Variants in RBFOX1 observed in about 807,000 individuals in gnomAD.
RBFOX1 encodes RNA binding fox-1 homolog 1.
Under a neutral mutation model 57.7 loss-of-function variants are expected in RBFOX1, and 8 were observed. The ratio of observed to expected loss-of-function variants is 0.14; its 90% CI spans 0.08 to 0.25. The LOEUF is 0.25. RBFOX1 is among the 10% of genes least tolerant of loss of function. The probability of loss-of-function intolerance (pLI) is 1.00; values close to 1 mark genes in which losing one functional copy is unlikely to be tolerated. For missense variants in RBFOX1, 611 were observed against 548.5 expected, an observed-to-expected ratio of 1.11 and a Z score of -1.14; for synonymous variants, 326 against 222.4, an observed-to-expected ratio of 1.47 and a Z score of -4.15.
chr16:6,900,650 C>T (rs1270961740), intron 3 of RBFOX1, among the ~76,000 whole-genome samples: 3 of 152,208 alleles, frequency 2.0e-5, no homozygotes, highest in South Asian at 2.1e-4. Flanking sequence ...TTCTACCCTT[C>T]TTGACCTCGT....
chr16:6,242,452 C>T (rs1232620684), intron 1 of RBFOX1, among the ~76,000 whole-genome samples: 1 of 151,752 alleles, frequency 6.6e-6, no homozygotes, highest in African/African-American at 2.4e-5. Flanking sequence ...TGGTCTCAAA[C>T]TCCTGGCCAT....
chr16:6,133,772 A>G (rs771195906), intron 1 of RBFOX1, among the ~76,000 whole-genome samples: 3 of 152,002 alleles, frequency 2.0e-5, no homozygotes, highest in Non-Finnish European at 4.4e-5. Flanking sequence ...ACCCTGGTCT[A>G]TCCTGCCACA....
intron 2 of RBFOX1, among the ~76,000 whole-genome samples, chr16:6,624,509 T>G (rs1227286205): frequency 6.6e-6 from 1 of 152,140 alleles, no homozygotes; most frequent in Admixed American, 6.5e-5. Context: ...CATACCAGTT[T>G]CCACCCACCT....
At chr16:7,171,592 A>G (rs1481813674) in intron 4 of RBFOX1, among the ~76,000 whole-genome samples, 1 of 152,130 alleles carries the variant, frequency 6.6e-6, no homozygotes, top group Non-Finnish European at 1.5e-5. Flanking sequence ...TTCTCTCTTT[A>G]TGTTCTGAAC....
intron 4 of RBFOX1, among the ~76,000 whole-genome samples, chr16:7,323,058 T>C (rs1417413300): frequency 6.6e-6 from 1 of 152,138 alleles, no homozygotes; most frequent in Non-Finnish European, 1.5e-5. Context: ...CTCTAAGGAC[T>C]GTTGGGATGG....
chr16:7,187,690 C>CAGAAAAAAAAAAAAAAAAAAAA (rs2084254667), intron 4 of RBFOX1, among the ~76,000 whole-genome samples: 1 of 72,566 alleles, frequency 1.4e-5, no homozygotes, highest in Admixed American at 2.3e-4. Context: ...CTCTGTCTCA[C>CAGAAAAAAAAAAAAAAAAAAAA]AAAAAAAAAA....
intron 2 of RBFOX1, among the ~76,000 whole-genome samples, chr16:6,550,337 C>T (rs555804587): frequency 6.6e-5 from 10 of 152,128 alleles, no homozygotes; most frequent in South Asian, 2.1e-4. Context: ...CCACCAGGCC[C>T]AGCTAATTTT....
intron 2 of RBFOX1, among the ~76,000 whole-genome samples, chr16:5,571,215 CTTTTTTTTTT>C (rs34409151): frequency 8.8e-5 from 7 of 79,832 alleles, no homozygotes; most frequent in African/African-American, 2.0e-4. Flanking sequence ...CCATCTTTGA[CTTTTTTTTTT>C]TTTTTTTTTT....
chr16:7,695,804 A>G lies in RBFOX1; in HGVS notation c.996-13252A>G, dbSNP rs180797192. Among the ~76,000 whole-genome samples the G allele has an allele frequency of 2.7e-3, 411 of 152,264 alleles. 1 individual carries two copies. The highest frequency in any genetic ancestry group is 4.5e-3 in the Non-Finnish European group (306 of 68,024). On this transcript the variant is annotated intron_variant, in intron 14 of 15. Transcript: ENST00000550418. ...TGGATATCAGAGTTTGACAAAAGACAAGTTCTCTATTTTTAAATGGAGAAA... is the reference window on the plus strand; with the variant it reads ...TGGATATCAGAGTTTGACAAAAGACGAGTTCTCTATTTTTAAATGGAGAAA...
chr16:5,620,741 G>T (rs922022936), intron 3 of RBFOX1, among the ~76,000 whole-genome samples: 2 of 152,158 alleles, frequency 1.3e-5, no homozygotes, highest in Non-Finnish European at 2.9e-5. Flanking sequence ...AGCAGTGGCA[G>T]GATCATGGCT....
intron 4 of RBFOX1, among the ~76,000 whole-genome samples, chr16:7,062,626 T>C (rs1598454713): frequency 1.3e-5 from 2 of 152,266 alleles, no homozygotes; most frequent in East Asian, 3.9e-4. Flanking sequence ...AGCCAACAGA[T>C]GTGGATATGG....
intron 2 of RBFOX1, among the ~76,000 whole-genome samples, chr16:6,614,960 G>C (rs959871354): frequency 6.6e-6 from 1 of 152,136 alleles, no homozygotes; most frequent in African/African-American, 2.4e-5. Context: ...TAAAAATATA[G>C]ATGACTGCAT....
chr16:6,532,848 G>T lies in RBFOX1; in HGVS notation c.-63-121755G>T, dbSNP rs117217513. 5.3e-3 allele frequency among the ~76,000 whole-genome samples: 811 copies of T among 152,302 alleles called. 2 individuals carry two copies. The highest frequency in any genetic ancestry group is 6.8e-3 in the Middle Eastern group (2 of 292). On this transcript the variant is annotated intron_variant, in intron 2 of 15. Coordinates refer to ENST00000550418, the MANE Select transcript of RBFOX1 (RefSeq NM_018723.4). ...GGAATGTGAGAAGGCAAAGATCTCA[G>T]ACTTTCCATGTGAATTGAAGACCCT...
intron 1 of RBFOX1, among the ~76,000 whole-genome samples, chr16:6,190,447 G>A (rs2097134433): frequency 6.6e-6 from 1 of 152,098 alleles, no homozygotes; most frequent in South Asian, 2.1e-4. Context: ...TAGGCAACCT[G>A]GAATGGAATG....
At chr16:7,252,891 A>G (rs1400254716) in intron 4 of RBFOX1, among the ~76,000 whole-genome samples, 1 of 152,136 alleles carries the variant, frequency 6.6e-6, no homozygotes, top group African/African-American at 2.4e-5. Flanking sequence ...CATATTTGGC[A>G]GAGCCGTTAT....
chr16:6,712,258 A>C lies in RBFOX1; in HGVS notation c.-16+57608A>C, dbSNP rs919826011. 8.5e-5 allele frequency among the ~76,000 whole-genome samples: 13 copies of C among 152,258 alleles called. No individual in the cohort carries two copies. In the East Asian group the frequency reaches 2.5e-3, roughly 30 times the overall value. On this transcript the variant is annotated intron_variant, in intron 3 of 15. Coordinates refer to ENST00000550418, the MANE Select transcript of RBFOX1 (RefSeq NM_018723.4). Reference sequence around the variant, plus strand: ...AAATGGAACTCTGCTATGAACCCTTAAGTGTCAATGCCATCAGTCTACAAG... The same window carrying C: ...AAATGGAACTCTGCTATGAACCCTTCAGTGTCAATGCCATCAGTCTACAAG...
chr16:7,046,803 G>C (rs986666596), intron 3 of RBFOX1, among the ~76,000 whole-genome samples: 2 of 151,736 alleles, frequency 1.3e-5, no homozygotes, highest in African/African-American at 4.8e-5. Context: ...ACGGGGTTTT[G>C]CTGTGTTGAC....
chr16:7,666,179 C>T (rs756196674), intron 13 of RBFOX1, among the ~76,000 whole-genome samples: 5 of 152,086 alleles, frequency 3.3e-5, no homozygotes, highest in Non-Finnish European at 5.9e-5. Context: ...CCATTCATTT[C>T]CTCAGGCACC....
chr16:6,482,971 C>G (rs969710348), intron 2 of RBFOX1, among the ~76,000 whole-genome samples: 2 of 152,210 alleles, frequency 1.3e-5, no homozygotes, highest in Admixed American at 1.3e-4. Context: ...GTGCCCTATT[C>G]TGTCATGTGG....
Sources: allele counts gnomAD v4.1 joint callset (sites outside exome capture counted in the v4.1 genomes callset), GRCh38; gene constraint gnomAD v4.1.1; transcripts MANE v1.5; gene names NCBI Gene and HGNC (gene_info 2026-07-23, HGNC 2026-07-21).